Variants in SGCD observed in about 807,000 individuals in gnomAD.
SGCD encodes sarcoglycan delta.
Under a neutral mutation model 36.6 loss-of-function variants are expected in SGCD, and 18 were observed. That is an observed-to-expected ratio of 0.49 (90% CI 0.34 to 0.73). The LOEUF is 0.73. Among genes scored for constraint, SGCD ranks in the 30% least tolerant of loss-of-function variants. The probability of loss-of-function intolerance (pLI) is 0.01; values close to 1 mark genes in which losing one functional copy is unlikely to be tolerated. For synonymous variants in SGCD, 133 were observed against 130.6 expected (o/e 1.02, Z -0.12); for missense variants, 387 against 346.7 (o/e 1.12, Z -0.92).
At position 156,252,090 on chromosome 5, in the gene SGCD, G is replaced by T. The variant is rs1442006917; in HGVS notation, c.-43-77444G>T. Among the ~76,000 whole-genome samples, 3 of 150,732 alleles carry T rather than the reference G, an allele frequency of 2.0e-5. No homozygotes were observed. In the East Asian group the frequency reaches 5.8e-4, roughly 29 times the overall value. On this transcript the variant is annotated intron_variant, in intron 3 of 9. Transcript: ENST00000517913. ...TTTTTTTTCTTTTTTTTTTGAGACG[G>T]AGTTTCGCTCTTGTTTCCCAGACTG... is the stretch of plus-strand genomic sequence containing the variant.
At chr5:155,907,896 C>T (rs1173460779) in intron 1 of SGCD, among the ~76,000 whole-genome samples, 2 of 152,092 alleles carry the variant, frequency 1.3e-5, no homozygotes, top group East Asian at 1.9e-4. Context: ...TACCAAACAG[C>T]ATAGCATGCT....
chr5:155,791,922 T>A, the SGCD span, among the ~76,000 whole-genome samples: 107 of 152,252 alleles, frequency 7.0e-4, no homozygotes, highest in Middle Eastern at 3.4e-3. Context: ...AAAATTCATA[T>A]GGATGCAAAA....
Position 156,757,769 on chromosome 5 carries a change from C to T in SGCD, c.699+65C>T, listed in dbSNP as rs1757397436. The T allele has an allele frequency of 3.2e-6, 5 of 1,553,488 alleles. No homozygotes were observed. The African/African-American group carries it at 5.4e-5, about 17-fold the overall frequency. On this transcript the variant is annotated intron_variant, in intron 8 of 8. Coordinates refer to ENST00000337851, the MANE Select transcript of SGCD (RefSeq NM_000337.6). ...TTCAACAGGCCAACCCTTCCCATAACTGGTTGACCTCGGAGTTGGATCCTA... is the reference window on the plus strand; with the variant it reads ...TTCAACAGGCCAACCCTTCCCATAATTGGTTGACCTCGGAGTTGGATCCTA...
At chr5:156,388,686 T>A (rs1771408628) in intron 3 of SGCD, among the ~76,000 whole-genome samples, 1 of 152,212 alleles carries the variant, frequency 6.6e-6, no homozygotes, top group Non-Finnish European at 1.5e-5. Flanking sequence ...TTCAGCAATG[T>A]TGTGATTCTT....
chr5:156,085,828 T>G (rs1761077534), intron 1 of SGCD, among the ~76,000 whole-genome samples: 1 of 152,210 alleles, frequency 6.6e-6, no homozygotes. Context: ...GTAATGAAAC[T>G]ATTTTAAAAT....
At chr5:156,378,160 T>C (rs927458745) in intron 3 of SGCD, among the ~76,000 whole-genome samples, 1 of 152,214 alleles carries the variant, frequency 6.6e-6, no homozygotes, top group Non-Finnish European at 1.5e-5. Context: ...TGACATGTTA[T>C]TCAGCCTTAA....
chr5:156,054,171 T>C (rs1759997085), intron 1 of SGCD, among the ~76,000 whole-genome samples: 1 of 145,846 alleles, frequency 6.9e-6, no homozygotes. Context: ...TTTTGAAATA[T>C]TCAGGGCCGT....
chr5:156,220,434 C>T (rs1453808580), intron 3 of SGCD, among the ~76,000 whole-genome samples: 2 of 152,084 alleles, frequency 1.3e-5, no homozygotes, highest in Non-Finnish European at 2.9e-5. Context: ...TCAAAATCTT[C>T]AGGTATAGGC....
chr5:155,914,236 A>G (rs1279969683), intron 1 of SGCD, among the ~76,000 whole-genome samples: 2 of 152,188 alleles, frequency 1.3e-5, no homozygotes, highest in African/African-American at 4.8e-5. Flanking sequence ...ATCTTGATGA[A>G]GTTGTGAATG....
At chr5:156,211,047 G>A (rs767900128) in intron 3 of SGCD, among the ~76,000 whole-genome samples, 43 of 151,898 alleles carry the variant, frequency 2.8e-4, no homozygotes, top group Non-Finnish European at 4.4e-4. Context: ...TATCCTAAAA[G>A]CAGCAAGAGA....
rs1430236249 is a variant in SGCD at position 156,446,546 on chromosome 5, T to C, written c.193-62055T>C. Among the ~76,000 whole-genome samples, 5 of 152,158 alleles carry C rather than the reference T, an allele frequency of 3.3e-5. No homozygotes were observed. In the East Asian group the frequency reaches 7.7e-4, roughly 23 times the overall value. On this transcript the variant is annotated intron_variant, in intron 3 of 8. Coordinates refer to ENST00000337851, the MANE Select transcript of SGCD (RefSeq NM_000337.6). ...CCCTTTTTATTTACTGGTTTTACAATGTGTTTTGTGATTTCTCCCAACAGG... is the reference window on the plus strand; with the variant it reads ...CCCTTTTTATTTACTGGTTTTACAACGTGTTTTGTGATTTCTCCCAACAGG...
At chr5:155,979,396 T>C (rs982444863) in intron 1 of SGCD, among the ~76,000 whole-genome samples, 3 of 152,206 alleles carry the variant, frequency 2.0e-5, no homozygotes, top group East Asian at 1.9e-4. Flanking sequence ...TCTGTACAAC[T>C]GTTCTTCTAG....
intron 7 of SGCD, among the ~76,000 whole-genome samples, chr5:156,651,993 T>C (rs895351573): frequency 2.0e-5 from 3 of 152,136 alleles, no homozygotes; most frequent in Admixed American, 2.0e-4. Flanking sequence ...GATCTTCTTC[T>C]TCCTTGGTTA....
At chr5:156,647,190 C>G (rs1034929418) in intron 6 of SGCD, among the ~76,000 whole-genome samples, 2 of 152,158 alleles carry the variant, frequency 1.3e-5, no homozygotes, top group Admixed American at 6.6e-5. Flanking sequence ...TTCTAGGCAT[C>G]TTTTCCTTTC....
At chr5:156,236,895 A>G (rs1765179642) in intron 3 of SGCD, among the ~76,000 whole-genome samples, 2 of 150,222 alleles carry the variant, frequency 1.3e-5, no homozygotes, top group Non-Finnish European at 3.0e-5. Context: ...GCACAGCGGC[A>G]GAAGCTCGGC....
At chr5:156,538,807 C>T (rs959452179) in intron 4 of SGCD, among the ~76,000 whole-genome samples, 11 of 152,128 alleles carry the variant, frequency 7.2e-5, no homozygotes, top group African/African-American at 2.6e-4. Context: ...TCTTGCCCTA[C>T]CTCAATATTG....
intron 1 of SGCD, among the ~76,000 whole-genome samples, chr5:155,993,632 A>C (rs6873515): frequency 0.3 from 44,983 of 152,058 alleles, 6,704 homozygotes; most frequent in South Asian, 0.37. Flanking sequence ...GGCATGAGCC[A>C]CTGTGCCTGG....
At chr5:155,971,477 C>T (rs191312742) in intron 1 of SGCD, among the ~76,000 whole-genome samples, 4 of 152,144 alleles carry the variant, frequency 2.6e-5, no homozygotes, top group Admixed American at 1.3e-4. Flanking sequence ...AATGTCATTC[C>T]CTATTCTTTT....
At chr5:156,556,525 T>G (rs1018225435) in intron 4 of SGCD, among the ~76,000 whole-genome samples, 1 of 152,148 alleles carries the variant, frequency 6.6e-6, no homozygotes, top group African/African-American at 2.4e-5. Flanking sequence ...TGGCTTAAAA[T>G]AACTAATGCT....
Sources: gnomAD v4.1 joint callset for allele counts (sites outside exome capture counted in the v4.1 genomes callset) on GRCh38, gnomAD v4.1.1 for gene constraint, MANE v1.5 for transcripts, NCBI Gene and HGNC (gene_info 2026-07-23, HGNC 2026-07-21) for gene names.